Variants in PCDH9 observed in about 807,000 individuals in gnomAD.
PCDH9 encodes the protein protocadherin-9.
Under a neutral mutation model 70.6 loss-of-function variants are expected in PCDH9, and 24 were observed. That is an observed-to-expected ratio of 0.34 (90% confidence interval 0.25 to 0.48). PCDH9 has a LOEUF of 0.48. Among genes scored for constraint, PCDH9 ranks in the 20% least tolerant of loss-of-function variants. PCDH9 has a pLI of 0.99. For missense variants in PCDH9, 1,281 were observed against 1,503.6 expected (o/e 0.85, Z 2.45); for synonymous variants, 562 against 558.5 (o/e 1.01, Z -0.09).
rs370758821 is a variant in PCDH9, at chr13:66,690,128, T to C, written c.3139-58717A>G. Among the ~76,000 whole-genome samples, 26 of 152,306 alleles carry C rather than the reference T, an allele frequency of 1.7e-4. No individual in the cohort carries two copies. The East Asian group carries it at 5.0e-3, about 29-fold the overall frequency. ...AGAAACAACTGCACAGAAATAAGCA[T>C]TATGTATTATTCTCTTCTAAATAAA... On this transcript the variant is annotated intron_variant, in intron 3 of 4. Transcript: ENST00000377865.
At position 66,608,913 on chromosome 13, in the gene PCDH9, A is replaced by G. The variant is rs115929302; in HGVS notation, c.3340+22297T>C. 3.4e-3 allele frequency among the ~76,000 whole-genome samples: 525 copies of G among 152,342 alleles called. 1 individual carries two copies. Among genetic ancestry groups the G allele is most frequent in the African/African-American group, 0.012 (506 of 41,580 alleles). ...AGAGAGAAGATGGTATTTATCTAAT[A>G]CAGCCTTGAATTGCAGCAAAGACTT... On this transcript the variant is annotated intron_variant, in intron 4 of 4. Coordinates refer to ENST00000377865, the MANE Select transcript of PCDH9 (RefSeq NM_203487.3).
chr13:66,800,355 T>G (rs954088493), intron 3 of PCDH9, among the ~76,000 whole-genome samples: 9 of 152,118 alleles, frequency 5.9e-5, no homozygotes, highest in African/African-American at 2.2e-4. Flanking sequence ...AATTCCTACC[T>G]ATTCAAAATG....
chr13:66,531,943 C>G (rs932782157), intron 4 of PCDH9, among the ~76,000 whole-genome samples: 1 of 152,032 alleles, frequency 6.6e-6, no homozygotes, highest in Admixed American at 6.6e-5. Flanking sequence ...CTATACATCT[C>G]TAATTGCTGC....
At chr13:66,819,022 TA>T (rs1400619239) in intron 3 of PCDH9, among the ~76,000 whole-genome samples, 2 of 151,988 alleles carry the variant, frequency 1.3e-5, no homozygotes, top group Non-Finnish European at 2.9e-5. Flanking sequence ...AATTTAAACT[TA>T]AAATGGGTGT....
intron 2 of PCDH9, among the ~76,000 whole-genome samples, chr13:66,934,324 G>T (rs1430578354): frequency 6.6e-6 from 1 of 152,026 alleles, no homozygotes; most frequent in African/African-American, 2.4e-5. Context: ...CTGAGGTCAG[G>T]AGTTCACGAC....
chr13:66,981,776 A>T (rs149726153), intron 2 of PCDH9, among the ~76,000 whole-genome samples: 225 of 152,292 alleles, frequency 1.5e-3, no homozygotes, highest in African/African-American at 5.3e-3. Flanking sequence ...AATGCTTATT[A>T]AAAATGTTAT....
intron 4 of PCDH9, among the ~76,000 whole-genome samples, chr13:66,508,234 C>T (rs1959279010): frequency 6.6e-6 from 1 of 151,984 alleles, no homozygotes; most frequent in Non-Finnish European, 1.5e-5. Flanking sequence ...TGGAAGACAC[C>T]TGATATTTGT....
At chr13:67,166,676 C>T (rs1453817740) in intron 2 of PCDH9, among the ~76,000 whole-genome samples, 2 of 151,854 alleles carry the variant, frequency 1.3e-5, no homozygotes, top group East Asian at 3.9e-4. Flanking sequence ...TTTGTTGCAC[C>T]TTTTTTTATT....
At chr13:66,498,434 A>G (rs573464487) in intron 4 of PCDH9, among the ~76,000 whole-genome samples, 37 of 151,940 alleles carry the variant, frequency 2.4e-4, no homozygotes, top group African/African-American at 8.4e-4. Flanking sequence ...CCTATTTCCC[A>G]ATTTGAAAAA....
At chr13:66,418,555 A>G (rs995602117) in intron 4 of PCDH9, among the ~76,000 whole-genome samples, 1 of 152,206 alleles carries the variant, frequency 6.6e-6, no homozygotes, top group African/African-American at 2.4e-5. Flanking sequence ...GAACAAAGAC[A>G]CAATATACTA....
intron 3 of PCDH9, among the ~76,000 whole-genome samples, chr13:66,780,693 A>G (rs2079984609): frequency 6.6e-6 from 1 of 152,142 alleles, no homozygotes; most frequent in Non-Finnish European, 1.5e-5. Flanking sequence ...CAATGTATAT[A>G]CATATATAAA....
intron 2 of PCDH9, among the ~76,000 whole-genome samples, chr13:66,936,509 A>C (rs2082918527): frequency 6.6e-6 from 1 of 152,206 alleles, no homozygotes; most frequent in African/African-American, 2.4e-5. Flanking sequence ...TTGGGTGACA[A>C]AATTAAAATT....
chr13:66,324,406 G>C lies in PCDH9; in HGVS notation c.3341-19378C>G, dbSNP rs566983501. Among the ~76,000 whole-genome samples, 4 of 151,992 alleles carry C rather than the reference G, an allele frequency of 2.6e-5. No homozygotes were observed. The South Asian group carries it at 8.3e-4, about 32-fold the overall frequency. On this transcript the variant is annotated intron_variant, in intron 4 of 4. Transcript: ENST00000377865. ...CCCATTATTTCCATTAGGAAAAATG[G>C]GTTAGAGAGATAAAGTGACTTGCTA...
chr13:67,224,506 T>G (rs1029005849), intron 2 of PCDH9: 2 of 152,260 alleles, frequency 1.3e-5, no homozygotes, highest in Non-Finnish European at 2.9e-5. Context: ...TAGACAGCGC[T>G]GCATTTAAAT....
At chr13:66,982,693 C>T (rs2083800487) in intron 2 of PCDH9, among the ~76,000 whole-genome samples, 1 of 152,118 alleles carries the variant, frequency 6.6e-6, no homozygotes, top group South Asian at 2.1e-4. Context: ...GTAGGACTCC[C>T]CTGAAACCCT....
chr13:67,109,456 T>C (rs927523810), intron 2 of PCDH9, among the ~76,000 whole-genome samples: 1 of 152,230 alleles, frequency 6.6e-6, no homozygotes, highest in African/African-American at 2.4e-5. Context: ...CTGTCTTCAA[T>C]TGGTTTGCTT....
chr13:66,378,125 A>G (rs1956781910), intron 4 of PCDH9, among the ~76,000 whole-genome samples: 1 of 152,214 alleles, frequency 6.6e-6, no homozygotes, highest in Non-Finnish European at 1.5e-5. Flanking sequence ...TAAAGGGTTG[A>G]TCATAGAAAT....
intron 2 of PCDH9, among the ~76,000 whole-genome samples, chr13:66,999,543 G>A (rs2084195463): frequency 3.3e-5 from 5 of 151,664 alleles, no homozygotes; most frequent in Admixed American, 3.3e-4. Context: ...GAGTGAACAG[G>A]CAACCTACAA....
chr13:66,823,672 G>C (rs1043054417), intron 3 of PCDH9, among the ~76,000 whole-genome samples: 1 of 151,992 alleles, frequency 6.6e-6, no homozygotes, highest in East Asian at 1.9e-4. Flanking sequence ...TTTGAGATAC[G>C]GCTAAAAACT....
Sources: allele counts gnomAD v4.1 joint callset (sites outside exome capture counted in the v4.1 genomes callset), GRCh38; gene constraint gnomAD v4.1.1; transcripts MANE v1.5; gene names NCBI Gene and HGNC (gene_info 2026-07-23, HGNC 2026-07-21).